TMEM9: variants seen among roughly 807,000 people sequenced by gnomAD.
TMEM9 encodes the protein transmembrane protein 9.
In TMEM9, 13 loss-of-function variants were observed where a neutral mutation model predicts 22.8. The observed-to-expected ratio is 0.57, with a 90% CI of 0.37 to 0.91. The LOEUF is 0.91. TMEM9 is among the 40% of genes least tolerant of loss of function. The pLI is 0.01. For missense variants in TMEM9, 182 were observed against 238.1 expected, an observed-to-expected ratio of 0.76 and a Z score of 1.55; for synonymous variants, 88 against 93.0, an observed-to-expected ratio of 0.95 and a Z score of 0.31.
chr1:201,146,172 G>A (rs1664942230), intron 3 of TMEM9, among the ~76,000 whole-genome samples: 1 of 152,176 alleles, frequency 6.6e-6, no homozygotes, highest in Non-Finnish European at 1.5e-5. Flanking sequence ...TGACGTCTAT[G>A]GTGGTGACTG....
At chr1:201,139,307 G>A (rs1664295649) in intron 4 of TMEM9, among the ~76,000 whole-genome samples, 1 of 152,186 alleles carries the variant, frequency 6.6e-6, no homozygotes, top group Non-Finnish European at 1.5e-5. Flanking sequence ...AGCAAAGCAT[G>A]GTCCTAGTGC....
upstream of TMEM9, among the ~76,000 whole-genome samples, chr1:201,156,383 C>T (rs931318729): frequency 6.6e-6 from 1 of 152,162 alleles, no homozygotes; most frequent in African/African-American, 2.4e-5. Flanking sequence ...TCCATCCTGT[C>T]TTCCTCCAAT....
At position 201,167,572 on chromosome 1, in the gene TMEM9, G is replaced by A. The variant is rs139607694; in HGVS notation, c.-37+3918C>T. Among the ~76,000 whole-genome samples the A allele has an allele frequency of 2.5e-4, 38 of 152,168 alleles. No homozygotes were observed. In the East Asian group the frequency reaches 6.6e-3, roughly 26 times the overall value. On this transcript the variant is annotated intron_variant, in intron 1 of 5. Coordinates refer to the TMEM9 transcript ENST00000367333. ...TCTTGTGACTTCCAGAATAATGACT[G>A]GCGACCATTTATGTCTACACCTTAG...
At chr1:201,154,757 G>T (rs191296989), upstream of TMEM9, among the ~76,000 whole-genome samples, 6 of 152,280 alleles carry the variant, frequency 3.9e-5, no homozygotes, top group Admixed American at 2.6e-4. Flanking sequence ...TGCTGTTTTA[G>T]AAAGAAAGCG....
At chr1:201,148,991 A>C (rs1665214743) in intron 2 of TMEM9, among the ~76,000 whole-genome samples, 1 of 152,180 alleles carries the variant, frequency 6.6e-6, no homozygotes, top group Non-Finnish European at 1.5e-5. Context: ...AAGCCTCCAG[A>C]TTCCTCCCTT....
chr1:201,149,823 C>T (rs150967382), intron 2 of TMEM9, among the ~76,000 whole-genome samples: 64 of 152,310 alleles, frequency 4.2e-4, no homozygotes, highest in African/African-American at 1.5e-3. Flanking sequence ...CAAGGCCCCA[C>T]CCTACCCTTA....
At chr1:201,163,971 A>T (rs1425203791) in intron 1 of TMEM9, among the ~76,000 whole-genome samples, 1 of 152,264 alleles carries the variant, frequency 6.6e-6, no homozygotes, top group Non-Finnish European at 1.5e-5. Context: ...TAAACTGGAA[A>T]CAACTCAGAT....
At chr1:201,139,184 G>A (rs528845085) in intron 4 of TMEM9, among the ~76,000 whole-genome samples, 1 of 152,308 alleles carries the variant, frequency 6.6e-6, no homozygotes, top group South Asian at 2.1e-4. Flanking sequence ...GAGACAGGGA[G>A]AGTGAGAACC....
Position 201,154,208 on chromosome 1 carries a change from T to C in TMEM9, c.-285A>G. 1 of 376,450 alleles carries C rather than the reference T, an allele frequency of 2.7e-6. No individual in the cohort carries two copies. The highest frequency in any genetic ancestry group is 4.8e-6 in the Non-Finnish European group (1 of 206,202). 23.3% of individuals were successfully genotyped at this position (376,450 alleles called of 1,614,324 possible). A position where few individuals can be genotyped will look rare whatever the true frequency, so the allele number is the denominator to read the frequency against. ...CCGCTGCCAGGGGCCTCCAGTTCCT[T>C]CTCAAGGCCCGGCTCTGACCCGCGC... is the stretch of plus-strand genomic sequence containing the variant. On this transcript the variant is annotated 5_prime_UTR_variant, in exon 1 of 5. Transcript: ENST00000367330.
rs1187378506 is a variant in TMEM9, at chr1:201,143,806, C to G, written c.399+14G>C. ...TGCAGGGACCCAGGGCCTGGGCACT[C>G]AAAGCCCTCTTACCTCATTCTCCTC... On this transcript the variant is annotated intron_variant, in intron 4 of 4. Transcript: ENST00000367330. 6.2e-7 allele frequency: 1 copy of G among 1,613,422 alleles called. No homozygotes were observed. The highest frequency in any genetic ancestry group is 1.7e-5 in the Admixed American group (1 of 59,992).
At chr1:201,142,328 C>G (rs1273986640) in intron 4 of TMEM9, among the ~76,000 whole-genome samples, 1 of 152,226 alleles carries the variant, frequency 6.6e-6, no homozygotes, top group Non-Finnish European at 1.5e-5. Context: ...CCACATCACC[C>G]AGGCAGCTTC....
intron 1 of TMEM9, among the ~76,000 whole-genome samples, chr1:201,152,713 A>C (rs1665531050): frequency 6.6e-6 from 1 of 152,198 alleles, no homozygotes; most frequent in African/African-American, 2.4e-5. Flanking sequence ...AGCACCCCTA[A>C]AACAAAAATT....
chr1:201,171,062 C>A lies in TMEM9; in HGVS notation c.-37+428G>T, dbSNP rs527881922. ...ACAGGCACAGCTCAGATTCCCTCCC[C>A]GTGGTAATTAACCCGGGGAGAAATG... On this transcript the variant is annotated intron_variant, in intron 1 of 5. Transcript: ENST00000367333. 1.3e-3 allele frequency among the ~76,000 whole-genome samples: 198 copies of A among 152,340 alleles called. 1 individual carries two copies. The highest frequency in any genetic ancestry group is 4.4e-3 in the African/African-American group (185 of 41,586).
chr1:201,135,826 A>G lies in TMEM9; in HGVS notation c.400-11T>C, dbSNP rs1163196188. The G allele has an allele frequency of 1.3e-6, 2 of 1,581,830 alleles. No individual in the cohort carries two copies. Among genetic ancestry groups the G allele is most frequent in the African/African-American group, 2.7e-5 (2 of 73,252 alleles). The stretch of plus-strand genomic sequence containing the variant: ...CATAGAGCGAGCATCCTGTAGTGGG[A>G]AGAAAAAAAGAGAAGATCTGGCACG... On this transcript the variant is annotated splice_polypyrimidine_tract_variant and intron_variant, in intron 4 of 4. Transcript: ENST00000367330.
chr1:201,171,528 G>C (rs1666210855), exon 1 of TMEM9: 1 of 152,252 alleles, frequency 6.6e-6, no homozygotes, highest in African/African-American at 2.4e-5. Context: ...GGGTGTTAGA[G>C]GCTTTCAGCT....
chr1:201,146,946 G>A (rs1665029331), intron 2 of TMEM9, 98 bp from the exon 3 acceptor site: 1 of 1,102,542 alleles, frequency 9.1e-7, no homozygotes, highest in Non-Finnish European at 1.3e-6. Context: ...AGAGGTAGGG[G>A]CTAGGCAAAG....
At chr1:201,161,960 A>T (rs1172787363) in intron 1 of TMEM9, among the ~76,000 whole-genome samples, 1 of 152,228 alleles carries the variant, frequency 6.6e-6, no homozygotes, top group East Asian at 1.9e-4. Context: ...GATAAGGGGC[A>T]TTTTTGCTGA....
At chr1:201,144,086 C>T (rs754349612) in intron 3 of TMEM9, 135 bp from the exon 4 acceptor site, 40 of 917,852 alleles carry the variant, frequency 4.4e-5, no homozygotes, top group Non-Finnish European at 6.3e-5. Flanking sequence ...TTGGAGGCAA[C>T]GTGGGCTCAG....
upstream of TMEM9, among the ~76,000 whole-genome samples, chr1:201,157,401 A>G (rs56799385): frequency 0.016 from 2,500 of 152,244 alleles, 78 homozygotes; most frequent in African/African-American, 0.057. Flanking sequence ...GCCCTTTTCT[A>G]TGAGTGCAGC....
Sources: gnomAD v4.1 joint callset for allele counts (sites outside exome capture counted in the v4.1 genomes callset) on GRCh38, gnomAD v4.1.1 for gene constraint, MANE v1.5 for transcripts, NCBI Gene and HGNC (gene_info 2026-07-23, HGNC 2026-07-21) for gene names.